Variants in C4orf51 observed in about 807,000 individuals in gnomAD.
C4orf51 encodes uncharacterized protein C4orf51.
C4orf51 carries 25 observed loss-of-function variants against 25.2 expected under a neutral mutation model. That is an observed-to-expected ratio of 0.99 (90% CI 0.72 to 1.39). The LOEUF (loss-of-function observed/expected upper bound fraction) is 1.39, where lower values mean the gene tolerates loss of function less well. Ranked by LOEUF, C4orf51 falls within the 40% of genes most tolerant of loss-of-function variation. The pLI, the probability that C4orf51 is intolerant of heterozygous loss-of-function variation, is 0.00. For synonymous variants in C4orf51, 100 were observed against 84.5 expected (o/e 1.18, Z -1.01); for missense variants, 252 against 239.6 (o/e 1.05, Z -0.34).
the C4orf51 span, chr4:145,779,468 G>C: frequency 3.7e-6 from 6 of 1,614,204 alleles, no homozygotes; most frequent in Non-Finnish European, 5.1e-6. Flanking sequence ...TGAATTTCCA[G>C]GATGGTAATC....
intron 1 of C4orf51, among the ~76,000 whole-genome samples, chr4:145,769,827 A>C (rs1016981797): frequency 3.3e-5 from 5 of 152,096 alleles, no homozygotes; most frequent in Non-Finnish European, 7.4e-5. Flanking sequence ...ACAAAACAAA[A>C]CCCCTAAATA....
chr4:145,764,221 T>C (rs1039202604), intron 1 of C4orf51, among the ~76,000 whole-genome samples: 4 of 152,242 alleles, frequency 2.6e-5, no homozygotes, highest in African/African-American at 9.6e-5. Flanking sequence ...CTGCTTTCTC[T>C]TTACCAGACC....
chr4:145,774,428 T>G, downstream of C4orf51: 1 of 1,494,318 alleles, frequency 6.7e-7, no homozygotes, highest in African/African-American at 1.4e-5. Context: ...GCAGTGGGGA[T>G]GCTTCGGCCA....
At chr4:145,788,101 A>G in the C4orf51 span, among the ~76,000 whole-genome samples, 1 of 152,338 alleles carries the variant, frequency 6.6e-6, no homozygotes, top group South Asian at 2.1e-4. Context: ...ATATGAAATC[A>G]ATGCTAACTG....
chr4:145,710,967 A>G (rs1264970909), intron 2 of C4orf51, among the ~76,000 whole-genome samples: 3 of 152,202 alleles, frequency 2.0e-5, no homozygotes, highest in African/African-American at 7.2e-5. Flanking sequence ...TTTTCCTATT[A>G]TCTAAAGCTG....
intron 1 of C4orf51, among the ~76,000 whole-genome samples, chr4:145,747,413 G>C (rs1224467393): frequency 6.6e-6 from 1 of 150,584 alleles, no homozygotes; most frequent in South Asian, 2.1e-4. Context: ...ATCATGAAGT[G>C]GTGTTGAATT....
chr4:145,743,949 G>A (rs1288625204), intron 1 of C4orf51, among the ~76,000 whole-genome samples: 1 of 152,132 alleles, frequency 6.6e-6, no homozygotes, highest in Non-Finnish European at 1.5e-5. Context: ...ACCACAGTTA[G>A]AATCTGTCAT....
At chr4:145,719,588 C>CAAAAAAA (rs57272346) in intron 2 of C4orf51, among the ~76,000 whole-genome samples, 2 of 90,142 alleles carry the variant, frequency 2.2e-5, no homozygotes, top group African/African-American at 8.1e-5. Context: ...GACTCTGTCT[C>CAAAAAAA]AAAAAAAAAA....
chr4:145,784,488 T>G, the C4orf51 span, among the ~76,000 whole-genome samples: 1 of 152,158 alleles, frequency 6.6e-6, no homozygotes, highest in East Asian at 1.9e-4. Context: ...TGTGAAGAAC[T>G]CTCCATATTC....
intron 1 of C4orf51, among the ~76,000 whole-genome samples, chr4:145,768,616 G>A (rs1735683847): frequency 1.3e-5 from 2 of 151,484 alleles, no homozygotes; most frequent in Non-Finnish European, 2.9e-5. Context: ...GAAAATATAG[G>A]GAGACTGTTC....
chr4:145,756,136 T>C (rs138871585), downstream of C4orf51, among the ~76,000 whole-genome samples: 134 of 152,306 alleles, frequency 8.8e-4, no homozygotes, highest in African/African-American at 2.9e-3. Flanking sequence ...TACTGTGGTG[T>C]TTCTGACTGT....
rs1252725242 is a variant in C4orf51 at position 145,765,411 on chromosome 4, T to C, written n.167-5577T>C. 5.2e-6 allele frequency: 6 copies of C among 1,143,718 alleles called. No homozygotes were observed. Among genetic ancestry groups the C allele is most frequent in the Non-Finnish European group, 7.3e-6 (6 of 823,888 alleles). The allele number at this position is 1,143,718 out of a possible 1,614,324, so 70.8% of individuals were successfully genotyped here. ...AAATTAAGCCAAAAGAAATACAACCTTTAGGTGAGGCCCAGCATACTGCAT... is the reference window on the plus strand; with the variant it reads ...AAATTAAGCCAAAAGAAATACAACCCTTAGGTGAGGCCCAGCATACTGCAT... On this transcript the variant is annotated intron_variant and non_coding_transcript_variant, in intron 1 of 1. Coordinates refer to the C4orf51 transcript ENST00000510096. This position sits in a 1 kb window ranked among gnomAD's most constrained non-coding sequence, Gnocchi z 4.7.
intron 2 of C4orf51, among the ~76,000 whole-genome samples, chr4:145,698,793 G>T (rs1331529374): frequency 6.6e-6 from 1 of 152,176 alleles, no homozygotes; most frequent in African/African-American, 2.4e-5. Context: ...TGGTTTACAA[G>T]TTCATTATAT....
At chr4:145,783,781 A>C in the C4orf51 span, among the ~76,000 whole-genome samples, 1 of 152,238 alleles carries the variant, frequency 6.6e-6, no homozygotes, top group Non-Finnish European at 1.5e-5. Context: ...TGAAGACAAA[A>C]GCCAACTCCC....
At chr4:145,783,142 G>A in the C4orf51 span, among the ~76,000 whole-genome samples, 4 of 152,248 alleles carry the variant, frequency 2.6e-5, no homozygotes, top group Middle Eastern at 3.4e-3. Flanking sequence ...CAGTCAACAC[G>A]TCCCCTGGCC....
rs1732280124 is a variant in C4orf51 at position 145,729,159 on chromosome 4, C to CT, written c.367-5dup. 6.3e-7 allele frequency: 1 copy of CT among 1,579,968 alleles called. No homozygotes were observed. Among genetic ancestry groups the CT allele is most frequent in the South Asian group, 1.1e-5 (1 of 89,042 alleles). On this transcript the variant is annotated splice_polypyrimidine_tract_variant and intron_variant, in intron 3 of 5. Transcript: ENST00000438731. The stretch of plus-strand genomic sequence containing the variant: ...TGGTTGGTATTTATTTCTATCTCTC[C>CT]TTTTTATAGGCACATCAAATTTGGG...
chr4:145,749,482 C>CT (rs906804261), intron 1 of C4orf51, among the ~76,000 whole-genome samples: 7 of 149,774 alleles, frequency 4.7e-5, no homozygotes, highest in South Asian at 2.1e-4. Flanking sequence ...GGTCTTCCTT[C>CT]TTTTTTTTTC....
downstream of C4orf51, chr4:145,775,718 G>T: frequency 1.3e-6 from 2 of 1,576,702 alleles, no homozygotes; most frequent in Non-Finnish European, 8.7e-7. Context: ...TATGCCCACA[G>T]CAGACAGGTA....
At chr4:145,738,889 C>G (rs1420511959) in intron 1 of C4orf51, among the ~76,000 whole-genome samples, 2 of 152,162 alleles carry the variant, frequency 1.3e-5, no homozygotes, top group African/African-American at 4.8e-5. Flanking sequence ...AATCTGTCCA[C>G]CTTGGCCTCC....
Sources: allele counts gnomAD v4.1 joint callset (sites outside exome capture counted in the v4.1 genomes callset), GRCh38; gene constraint gnomAD v4.1.1; non-coding constraint Gnocchi (gnomAD v3.1); transcripts MANE v1.5; gene names NCBI Gene and HGNC (gene_info 2026-07-23, HGNC 2026-07-21).